Variants in MAN2A1 observed in about 807,000 individuals in gnomAD.
MAN2A1 encodes mannosidase alpha class 2A member 1.
A neutral mutation model predicts 142.6 loss-of-function variants in MAN2A1; 76 were observed. That is an observed-to-expected ratio of 0.53 (90% CI 0.44 to 0.65). The LOEUF (loss-of-function observed/expected upper bound fraction) is 0.65, where lower values mean the gene tolerates loss of function less well. Among genes scored for constraint, MAN2A1 ranks in the 30% least tolerant of loss-of-function variants. MAN2A1 has a pLI of 0.00. For synonymous variants in MAN2A1, 559 were observed against 473.2 expected (o/e 1.18, Z -2.35); for missense variants, 1,311 against 1,365.1 (o/e 0.96, Z 0.62).
At chr5:109,771,360 TA>T (rs922910473) in intron 7 of MAN2A1, among the ~76,000 whole-genome samples, 6 of 151,902 alleles carry the variant, frequency 3.9e-5, no homozygotes, top group Admixed American at 1.3e-4. Flanking sequence ...AGAAGTCACT[TA>T]AAAAAAAGTG....
chr5:109,793,760 A>T (rs1194548170), intron 12 of MAN2A1, among the ~76,000 whole-genome samples: 1 of 152,206 alleles, frequency 6.6e-6, no homozygotes, highest in Non-Finnish European at 1.5e-5. Flanking sequence ...TTAAGATTGG[A>T]TATTGGGTGA....
intron 4 of MAN2A1, 143 bp downstream of exon 4, chr5:109,729,656 T>A: frequency 4.0e-6 from 2 of 498,962 alleles, no homozygotes; most frequent in South Asian, 4.0e-5. Context: ...TTTCGTTGAT[T>A]TTGGTTCATC....
chr5:109,835,867 A>G (rs887514506), intron 16 of MAN2A1, among the ~76,000 whole-genome samples: 4 of 152,208 alleles, frequency 2.6e-5, no homozygotes, highest in Non-Finnish European at 5.9e-5. Context: ...GGGTTGAATT[A>G]GGCGGCTTCA....
intron 12 of MAN2A1, among the ~76,000 whole-genome samples, chr5:109,816,279 G>A (rs557265204): frequency 6.6e-6 from 1 of 152,280 alleles, no homozygotes; most frequent in Non-Finnish European, 1.5e-5. Flanking sequence ...GTTATGTGAA[G>A]GATGTCATAA....
chr5:109,733,441 C>G (rs1398249472), intron 4 of MAN2A1, among the ~76,000 whole-genome samples: 2 of 152,166 alleles, frequency 1.3e-5, no homozygotes, highest in East Asian at 3.9e-4. Flanking sequence ...GTCTTGTGCC[C>G]ATTTTCAAAG....
In MAN2A1 at chr5:109,868,246, A is replaced by G. The variant is rs528818626; in HGVS notation, c.*1248A>G. On this transcript the variant is annotated 3_prime_UTR_variant, in exon 22 of 22. Transcript: ENST00000261483. ...ACTTTTATGTAGCTCATCATGGTTTATCTTACTAAGGAATATGTTTGTTCA... is the reference window on the plus strand; with the variant it reads ...ACTTTTATGTAGCTCATCATGGTTTGTCTTACTAAGGAATATGTTTGTTCA... 5.3e-5 allele frequency: 8 copies of G among 152,296 alleles called. No homozygotes were observed. Among genetic ancestry groups the G allele is most frequent in the Non-Finnish European group, 1.0e-4 (7 of 68,006 alleles). The allele number at this position is 152,296 out of a possible 1,614,324, so 9.4% of individuals were successfully genotyped here. A position where few individuals can be genotyped will look rare whatever the true frequency, so the allele number is the denominator to read the frequency against.
chr5:109,710,619 G>C (rs754336571), intron 1 of MAN2A1, among the ~76,000 whole-genome samples: 1 of 151,728 alleles, frequency 6.6e-6, no homozygotes, highest in Admixed American at 6.6e-5. Context: ...ATTCTTCTGC[G>C]TCAGCCTTCC....
rs556947934 is a variant in MAN2A1, at chr5:109,737,693, T to C, written c.707+8180T>C. On this transcript the variant is annotated intron_variant, in intron 4 of 21. Coordinates refer to ENST00000261483, the MANE Select transcript of MAN2A1 (RefSeq NM_002372.4). ...AAAAAGTATCGTTAGAGTGTAGCAC[T>C]CTAAAACTTCATTAGTGATGTAGAC... Among the ~76,000 whole-genome samples the C allele has an allele frequency of 5.1e-4, 78 of 152,240 alleles. 1 individual carries two copies. Among genetic ancestry groups the C allele is most frequent in the African/African-American group, 1.8e-3 (76 of 41,534 alleles).
At chr5:109,790,540 C>A (rs1328685221) in intron 12 of MAN2A1, among the ~76,000 whole-genome samples, 2 of 151,800 alleles carry the variant, frequency 1.3e-5, no homozygotes, top group Non-Finnish European at 1.5e-5. Flanking sequence ...TTTCAGATTG[C>A]CAGGTCATAG....
chr5:109,852,157 AC>A (rs1317547084), intron 19 of MAN2A1, among the ~76,000 whole-genome samples: 215 of 150,680 alleles, frequency 1.4e-3, no homozygotes, highest in Non-Finnish European at 2.6e-3. Flanking sequence ...AAAAAAAAAA[AC>A]ATTTTAATAC....
intron 18 of MAN2A1, among the ~76,000 whole-genome samples, chr5:109,846,434 C>A (rs1755346427): frequency 1.3e-5 from 2 of 152,022 alleles, no homozygotes; most frequent in Admixed American, 1.3e-4. Flanking sequence ...CTGCTACCAC[C>A]TGAAAGAAGG....
At chr5:109,729,612 T>C in intron 4 of MAN2A1, 99 bp downstream of exon 4, 2 of 632,956 alleles carry the variant, frequency 3.2e-6, no homozygotes, top group Admixed American at 3.3e-5. Flanking sequence ...CTTAGCTTTA[T>C]ATTTGAAACT....
chr5:109,832,471 C>G (rs2112743700), intron 16 of MAN2A1, among the ~76,000 whole-genome samples: 1 of 152,232 alleles, frequency 6.6e-6, no homozygotes, highest in South Asian at 2.1e-4. Context: ...GCACATGTTT[C>G]AGAGAGCAAG....
Position 109,832,527 on chromosome 5 carries a change from A to T in MAN2A1, c.2566+8690A>T, listed in dbSNP as rs542656720. Among the ~76,000 whole-genome samples the T allele has an allele frequency of 3.2e-4, 48 of 152,246 alleles. No homozygotes were observed. The East Asian group carries it at 7.7e-3, about 25-fold the overall frequency. On this transcript the variant is annotated intron_variant, in intron 16 of 21. Transcript: ENST00000261483. ...GATTAACAGCATCCCAAGGCAGAAGAATTTTTCTTAGTACAGCACAAAATG... is the reference window on the plus strand; with the variant it reads ...GATTAACAGCATCCCAAGGCAGAAGTATTTTTCTTAGTACAGCACAAAATG...
intron 16 of MAN2A1, among the ~76,000 whole-genome samples, chr5:109,825,783 T>C (rs1003100468): frequency 1.3e-5 from 2 of 152,074 alleles, no homozygotes; most frequent in African/African-American, 4.8e-5. Context: ...GCCACTGAGG[T>C]TTGACTGGCT....
In MAN2A1 at chr5:109,778,298, T is replaced by C. The variant is rs891857385; in HGVS notation, c.1375-3098T>C. ...GTTATTTGTGGATTCTTTATGGATTTCCTATATATGAGTAATGGCATATAT... is the reference window on the plus strand; with the variant it reads ...GTTATTTGTGGATTCTTTATGGATTCCCTATATATGAGTAATGGCATATAT... On this transcript the variant is annotated intron_variant, in intron 8 of 21. Transcript: ENST00000261483. Among the ~76,000 whole-genome samples the C allele has an allele frequency of 2.0e-5, 3 of 152,124 alleles. No homozygotes were observed. The East Asian group carries it at 5.8e-4, about 29-fold the overall frequency.
chr5:109,750,068 GT>G (rs915918052), intron 4 of MAN2A1, among the ~76,000 whole-genome samples: 1 of 151,864 alleles, frequency 6.6e-6, no homozygotes, highest in African/African-American at 2.4e-5. Flanking sequence ...CAGACATATT[GT>G]TTCTGTTAAG....
intron 8 of MAN2A1, among the ~76,000 whole-genome samples, chr5:109,779,282 T>C (rs964421188): frequency 6.6e-6 from 1 of 152,168 alleles, no homozygotes; most frequent in African/African-American, 2.4e-5. Flanking sequence ...CAAAAACTAA[T>C]TGAAATATTT....
chr5:109,745,971 CTTTT>C (rs35057292), intron 4 of MAN2A1, among the ~76,000 whole-genome samples: 1 of 151,894 alleles, frequency 6.6e-6, no homozygotes, highest in Non-Finnish European at 1.5e-5. Flanking sequence ...AGTTCTGTTA[CTTTT>C]TTTTGTTTGT....
Sources: allele counts gnomAD v4.1 joint callset (sites outside exome capture counted in the v4.1 genomes callset), GRCh38; gene constraint gnomAD v4.1.1; transcripts MANE v1.5; gene names NCBI Gene and HGNC (gene_info 2026-07-23, HGNC 2026-07-21).